The following NTAN1 variants were observed in gnomAD, a reference collection of about 807,000 sequenced individuals.
NTAN1 encodes the protein protein N-terminal asparagine amidohydrolase.
NTAN1 carries 32 observed loss-of-function variants against 41.9 expected under a neutral mutation model. The ratio of observed to expected loss-of-function variants is 0.76; its 90% CI spans 0.58 to 1.03. The LOEUF (loss-of-function observed/expected upper bound fraction) is 1.03, where lower values mean the gene tolerates loss of function less well. Among genes scored for constraint, NTAN1 ranks in the 50% least tolerant of loss-of-function variants. NTAN1 has a pLI of 0.00. For synonymous variants in NTAN1, 140 were observed against 139.5 expected, an observed-to-expected ratio of 1.00 and a Z score of -0.03; for missense variants, 377 against 377.5, an observed-to-expected ratio of 1.00 and a Z score of 0.01.
intron 7 of NTAN1, 158 bp from the exon 8 acceptor site, chr16:15,040,224 G>A: frequency 2.3e-6 from 1 of 443,220 alleles, no homozygotes; most frequent in South Asian, 5.5e-5. Context: ...GGGGGAAAAT[G>A]CAACCTTTAC....
At chr16:15,038,718 C>T (rs749835453) in intron 8 of NTAN1, 31 bp from the exon 9 acceptor site, 2 of 1,248,950 alleles carry the variant, frequency 1.6e-6, no homozygotes, top group Non-Finnish European at 2.3e-6. Context: ...GATAGAATTT[C>T]AGGAATGTCA....
chr16:15,056,035 C>T lies in NTAN1; in HGVS notation c.-64G>A. On this transcript the variant is annotated 5_prime_UTR_variant, in exon 1 of 10. Transcript: ENST00000287706. ...GGCCCCCCGCTTTGCAGCCCCGGGCCGCCCGCCGCCCCCGCCCCTCGGGCC... is the reference window on the plus strand; with the variant it reads ...GGCCCCCCGCTTTGCAGCCCCGGGCTGCCCGCCGCCCCCGCCCCTCGGGCC... 1.3e-6 allele frequency: 1 copy of T among 748,762 alleles called. No homozygotes were observed. The highest frequency in any genetic ancestry group is 1.7e-6 in the Non-Finnish European group (1 of 585,708). 46.4% of individuals were successfully genotyped at this position (748,762 alleles called of 1,614,324 possible).
intron 5 of NTAN1, among the ~76,000 whole-genome samples, chr16:15,042,076 A>T (rs2043840714): frequency 6.6e-6 from 1 of 152,218 alleles, no homozygotes; most frequent in South Asian, 2.1e-4. Context: ...AAGAGAACAT[A>T]AGGAAGTCGG....
intron 1 of NTAN1, among the ~76,000 whole-genome samples, chr16:15,050,649 T>C (rs892433781): frequency 3.9e-5 from 6 of 152,116 alleles, no homozygotes; most frequent in African/African-American, 1.2e-4. Context: ...GGAGGATCAC[T>C]TGCAGCCAGG....
At chr16:15,055,681 G>T (rs780025618) in intron 1 of NTAN1, 3 of 368,568 alleles carry the variant, frequency 8.1e-6, no homozygotes, top group African/African-American at 2.1e-5. Context: ...CCCCTCCCTT[G>T]TCAGAGAGTG....
chr16:15,039,926 CTT>C (rs34345533), intron 8 of NTAN1, 41 bp downstream of exon 8: 510 of 1,003,742 alleles, frequency 5.1e-4, no homozygotes, highest in Non-Finnish European at 5.6e-4. Context: ...CATTTGATGC[CTT>C]TTTTTTTTTA....
intron 1 of NTAN1, among the ~76,000 whole-genome samples, chr16:15,050,085 A>G (rs1470987997): frequency 6.6e-6 from 1 of 152,210 alleles, no homozygotes; most frequent in East Asian, 1.9e-4. Flanking sequence ...TTAGAATACA[A>G]AAACAAAATG....
intron 1 of NTAN1, among the ~76,000 whole-genome samples, chr16:15,050,820 T>A (rs2044265416): frequency 6.6e-6 from 1 of 152,200 alleles, no homozygotes; most frequent in Non-Finnish European, 1.5e-5. Flanking sequence ...TTTCTTCTGT[T>A]TATAAACTTC....
chr16:15,039,826 T>C (rs764595650), intron 8 of NTAN1, 143 bp downstream of exon 8: 274 of 627,052 alleles, frequency 4.4e-4, no homozygotes, highest in Admixed American at 6.7e-4. Context: ...TGGGGAGGGG[T>C]ATATGTATGT....
In NTAN1 at chr16:15,038,207, G is replaced by C. The variant is rs774953823; in HGVS notation, c.757C>G (p.Leu253Val). The C allele has an allele frequency of 2.5e-6, 4 of 1,611,830 alleles. No homozygotes were observed. In the South Asian group the frequency reaches 4.4e-5, roughly 18 times the overall value. The change falls in exon 10 of 10, where the codon CTT (leucine) becomes GTT (valine). Residue 253 changes from leucine to valine, a missense_variant. By Grantham distance (32) the Leu-to-Val change is conservative. Coordinates refer to ENST00000287706, the MANE Select transcript of NTAN1 (RefSeq NM_173474.4). ...GGCTCAGCCAGAGGCGAAGTGGAAA[G>C]ATTCTGAAAACACAAGATGGTGGGC... Reference protein sequence around the residue: ...HQDDKQILENLSTSPLAEPPH... With the variant: ...HQDDKQILENVSTSPLAEPPH...
intron 1 of NTAN1, among the ~76,000 whole-genome samples, chr16:15,049,352 A>G (rs373885667): frequency 1.1e-4 from 17 of 152,108 alleles, no homozygotes; most frequent in East Asian, 5.8e-4. Context: ...CTTAGTCCCT[A>G]ACCTAGTAAT....
At chr16:15,050,806 G>C (rs2044265144) in intron 1 of NTAN1, among the ~76,000 whole-genome samples, 1 of 152,144 alleles carries the variant, frequency 6.6e-6, no homozygotes, top group African/African-American at 2.4e-5. Context: ...TACTTACATG[G>C]TGTTTTCTTC....
intron 4 of NTAN1, among the ~76,000 whole-genome samples, chr16:15,046,577 C>T (rs1350618281): frequency 6.6e-6 from 1 of 151,906 alleles, no homozygotes; most frequent in Non-Finnish European, 1.5e-5. Context: ...TCTTATCCAG[C>T]AATCCTTGGG....
At chr16:15,038,334 G>T in intron 9 of NTAN1, 124 bp from the exon 10 acceptor site, 1 of 716,756 alleles carries the variant, frequency 1.4e-6, no homozygotes, top group South Asian at 2.2e-5. Context: ...AAGAAATGAG[G>T]TGGCCTGAAT....
rs961186310 is a variant in NTAN1, at chr16:15,056,069, C to A, written c.-98G>T. Reference sequence around the variant, plus strand: ...CCCCCGCCCCTCGGGCCGCGCGTCCCGCCTCGTCCTGCCCCGCCCCACCGC... The same window carrying A: ...CCCCCGCCCCTCGGGCCGCGCGTCCAGCCTCGTCCTGCCCCGCCCCACCGC... On this transcript the variant is annotated 5_prime_UTR_variant, in exon 1 of 10. Transcript: ENST00000287706. 7 of 400,894 alleles carry A rather than the reference C, an allele frequency of 1.7e-5. No individual in the cohort carries two copies. The highest frequency in any genetic ancestry group is 1.3e-4 in the African/African-American group (6 of 46,260). The allele number at this position is 400,894 out of a possible 1,614,324, so 24.8% of individuals were successfully genotyped here.
At chr16:15,047,705 C>T in intron 3 of NTAN1, 150 bp downstream of exon 3, 1 of 891,278 alleles carries the variant, frequency 1.1e-6, no homozygotes, top group South Asian at 1.4e-5. Flanking sequence ...CCATTCTGAC[C>T]AGGACACCAG....
chr16:15,042,718 C>CTATTTATTTATTTATT (rs58123477), intron 5 of NTAN1, among the ~76,000 whole-genome samples: 5,117 of 147,054 alleles, frequency 0.035, 174 homozygotes, highest in Admixed American at 0.084. Flanking sequence ...AAAGGATGAA[C>CTATTTATTTATTTATT]TATTTATTTA....
At chr16:15,050,286 C>T (rs943925253) in intron 1 of NTAN1, among the ~76,000 whole-genome samples, 1 of 152,184 alleles carries the variant, frequency 6.6e-6, no homozygotes, top group African/African-American at 2.4e-5. Flanking sequence ...TTACTTGCAA[C>T]AAACTCCTGG....
chr16:15,041,502 G>T, intron 6 of NTAN1, 121 bp downstream of exon 6: 1 of 780,566 alleles, frequency 1.3e-6, no homozygotes, highest in Non-Finnish European at 2.4e-6. Context: ...AGGAAGAGCC[G>T]GAACAGATGG....
Sources: gnomAD v4.1 joint callset for allele counts (sites outside exome capture counted in the v4.1 genomes callset) on GRCh38, gnomAD v4.1.1 for gene constraint, MANE v1.5 for transcripts, NCBI Gene and HGNC (gene_info 2026-07-23, HGNC 2026-07-21) for gene names.